Variants in SLC37A1 observed in about 807,000 individuals in gnomAD.
SLC37A1 encodes the protein glucose-6-phosphate exchanger SLC37A1.
SLC37A1 carries 49 observed loss-of-function variants against 75.3 expected under a neutral mutation model. The ratio of observed to expected loss-of-function variants is 0.65; its 90% confidence interval spans 0.52 to 0.83. The LOEUF is 0.83. SLC37A1 is among the 40% of genes least tolerant of loss of function. The pLI, the probability that SLC37A1 is intolerant of heterozygous loss-of-function variation, is 0.00. For synonymous variants in SLC37A1, 268 were observed against 292.1 expected, an observed-to-expected ratio of 0.92 and a Z score of 0.84; for missense variants, 566 against 695.0, an observed-to-expected ratio of 0.81 and a Z score of 2.09.
chr21:42,557,096 T>G (rs55916423), intron 10 of SLC37A1, among the ~76,000 whole-genome samples: 1,539 of 152,362 alleles, frequency 0.01, 25 homozygotes, highest in African/African-American at 0.035. Context: ...AGGTCTTCTG[T>G]GTTGACCTGC....
chr21:42,530,654 A>ACACACACACACACACACCCCCCCC (rs1161313598), intron 3 of SLC37A1, among the ~76,000 whole-genome samples: 1 of 35,880 alleles, frequency 2.8e-5, no homozygotes, highest in Non-Finnish European at 5.2e-5. Flanking sequence ...ACACACACAC[A>ACACACACACACACACACCCCCCCC]CCCCCTCTGT....
At chr21:42,520,373 CTTG>C (rs1223532558) in intron 2 of SLC37A1, among the ~76,000 whole-genome samples, 1 of 152,030 alleles carries the variant, frequency 6.6e-6, no homozygotes, top group African/African-American at 2.4e-5. Flanking sequence ...AGACAATGGC[CTTG>C]TTGTGTTTGA....
intron 18 of SLC37A1, 79 bp from the exon 19 acceptor site, chr21:42,579,657 A>G (rs2056380201): frequency 3.4e-6 from 5 of 1,476,758 alleles, no homozygotes; most frequent in Non-Finnish European, 4.6e-6. Flanking sequence ...CTTGCGGGCC[A>G]GGTCCTCATG....
intron 17 of SLC37A1, among the ~76,000 whole-genome samples, chr21:42,572,902 A>G (rs2056220248): frequency 6.6e-6 from 1 of 152,084 alleles, no homozygotes; most frequent in Admixed American, 6.5e-5. Flanking sequence ...CCATGGAAGA[A>G]GGGGCCCTGC....
chr21:42,560,997 C>T (rs1228452746), intron 11 of SLC37A1, among the ~76,000 whole-genome samples: 2 of 152,204 alleles, frequency 1.3e-5, no homozygotes, highest in African/African-American at 4.8e-5. Flanking sequence ...CACACGGGTT[C>T]CATCCCTGGG....
Position 42,514,524 on chromosome 21 carries a change from G to T in SLC37A1, c.-372G>T, listed in dbSNP as rs933027794. 6.6e-6 allele frequency: 1 copy of T among 152,264 alleles called. No individual in the cohort carries two copies. The highest frequency in any genetic ancestry group is 2.4e-5 in the African/African-American group (1 of 41,462). The allele number at this position is 152,264 out of a possible 1,614,324, so 9.4% of individuals were successfully genotyped here. On this transcript the variant is annotated 5_prime_UTR_variant, in exon 1 of 20. Coordinates refer to ENST00000352133, the MANE Select transcript of SLC37A1 (RefSeq NM_001320537.2). This position sits in a 1 kb window ranked among gnomAD's most constrained non-coding sequence, Gnocchi z 4.8. Reference sequence around the variant, plus strand: ...GCACAGAACGCTGGCTCGGAGCGCCGGCACCCTGGGCCTTTGCGTTGTTTG... The same window carrying T: ...GCACAGAACGCTGGCTCGGAGCGCCTGCACCCTGGGCCTTTGCGTTGTTTG...
chr21:42,529,439 A>T (rs1369753713), intron 3 of SLC37A1, among the ~76,000 whole-genome samples: 1 of 152,134 alleles, frequency 6.6e-6, no homozygotes, highest in Non-Finnish European at 1.5e-5. Context: ...CTGTAATCCC[A>T]GCTACTTGGG....
upstream of SLC37A1, among the ~76,000 whole-genome samples, chr21:42,513,668 C>T (rs1194816536): frequency 6.7e-6 from 1 of 149,856 alleles, no homozygotes; most frequent in South Asian, 2.1e-4. Flanking sequence ...CGGGCAGTGC[C>T]GCAAGGCGTG....
Position 42,548,793 on chromosome 21 carries a change from C to T in SLC37A1, c.768+1653C>T, listed in dbSNP as rs1269053072. Among the ~76,000 whole-genome samples, 1 of 152,198 alleles carries T rather than the reference C, an allele frequency of 6.6e-6. No individual in the cohort carries two copies. The highest frequency in any genetic ancestry group is 1.5e-5 in the Non-Finnish European group (1 of 68,036). On this transcript the variant is annotated intron_variant, in intron 9 of 19. Transcript: ENST00000352133. This position sits in a 1 kb window ranked among gnomAD's most constrained non-coding sequence, Gnocchi z 5.6. ...CCATCTGGTTGGTCTCTGTCACCCT[C>T]ACAGAAGGGTGCGAGCCCCTCGGGC...
At chr21:42,543,699 T>C in intron 8 of SLC37A1, 97 bp downstream of exon 8, 2 of 1,281,312 alleles carry the variant, frequency 1.6e-6, no homozygotes, top group Non-Finnish European at 2.1e-6. Flanking sequence ...CTGCGTGGCC[T>C]AGCGCCCTGT....
At chr21:42,536,510 C>T (rs1358721625) in intron 5 of SLC37A1, among the ~76,000 whole-genome samples, 3 of 152,126 alleles carry the variant, frequency 2.0e-5, no homozygotes, top group East Asian at 3.8e-4. Context: ...TGTTCTAGCC[C>T]ATTTTCTGTT....
intron 2 of SLC37A1, among the ~76,000 whole-genome samples, chr21:42,524,776 A>C (rs891303907): frequency 1.3e-5 from 2 of 152,234 alleles, no homozygotes; most frequent in Non-Finnish European, 2.9e-5. Flanking sequence ...TAATAATAAG[A>C]AACATGCTTT....
intron 12 of SLC37A1, among the ~76,000 whole-genome samples, chr21:42,563,417 T>TGGAGGGCACCCTGAGCTGGTGCCG (rs1211742107): frequency 6.6e-6 from 1 of 152,188 alleles, no homozygotes; most frequent in African/African-American, 2.4e-5. Context: ...CAAAACCTCA[T>TGGAGGGCACCCTGAGCTGGTGCCG]GGAGGGCACC....
At chr21:42,562,755 G>A (rs972176374) in intron 12 of SLC37A1, among the ~76,000 whole-genome samples, 8 of 139,026 alleles carry the variant, frequency 5.8e-5, no homozygotes, top group African/African-American at 2.1e-4. Flanking sequence ...GTTGAGTGGG[G>A]AAATTGGAAC....
Position 42,581,136 on chromosome 21 carries a change from C to T in SLC37A1, c.*776C>T, listed in dbSNP as rs1345450163. The T allele has an allele frequency of 6.6e-6, 1 of 152,656 alleles. No homozygotes were observed. The highest frequency in any genetic ancestry group is 1.5e-5 in the Non-Finnish European group (1 of 68,110). The allele number at this position is 152,656 out of a possible 1,614,324, so 9.5% of individuals were successfully genotyped here. On this transcript the variant is annotated 3_prime_UTR_variant, in exon 20 of 20. Transcript: ENST00000352133. ...GCTGTTCAGCTCAGGCACAGGGGCA[C>T]AGCAGAGGTTTGGGAAGCGGTCTCC...
In SLC37A1 at chr21:42,575,531, T is replaced by C. The variant is rs143874113; in HGVS notation, c.1521+616T>C. 922 of 985,300 alleles carry C rather than the reference T, an allele frequency of 9.4e-4. 5 individuals carry two copies. In the African/African-American group the frequency reaches 0.015, roughly 16 times the overall value. 61.0% of individuals were successfully genotyped at this position (985,300 alleles called of 1,614,324 possible). ...CCTCCTGTGTTGAGAAAGTTTGAGG[T>C]TTTCCCCTGGGTAAGGAAGACCAGT... On this transcript the variant is annotated intron_variant, in intron 18 of 19. Transcript: ENST00000352133.
At chr21:42,572,873 G>A (rs1268803609) in intron 17 of SLC37A1, among the ~76,000 whole-genome samples, 1 of 152,032 alleles carries the variant, frequency 6.6e-6, no homozygotes, top group Non-Finnish European at 1.5e-5. Context: ...GCAGACCTAG[G>A]TTGCCCCTTC....
intron 19 of SLC37A1, 119 bp from the exon 20 acceptor site, chr21:42,580,226 G>T: frequency 8.5e-7 from 1 of 1,178,734 alleles, no homozygotes; most frequent in Non-Finnish European, 1.2e-6. Flanking sequence ...AGGAATCCCT[G>T]CTGGGCCGGG....
intron 1 of SLC37A1, among the ~76,000 whole-genome samples, chr21:42,500,838 G>A (rs1490521942): frequency 6.6e-6 from 1 of 152,152 alleles, no homozygotes; most frequent in Middle Eastern, 3.2e-3. Flanking sequence ...AACTGTTTGT[G>A]GATTATGTCT....
Sources: allele counts gnomAD v4.1 joint callset (sites outside exome capture counted in the v4.1 genomes callset), GRCh38; gene constraint gnomAD v4.1.1; non-coding constraint Gnocchi (gnomAD v3.1); transcripts MANE v1.5; gene names NCBI Gene and HGNC (gene_info 2026-07-23, HGNC 2026-07-21).